The following KLC3 variants were observed in gnomAD, a reference collection of about 807,000 sequenced individuals.
KLC3 encodes kinesin light chain 3.
KLC3 carries 72 observed loss-of-function variants against 62.9 expected under a neutral mutation model. The observed-to-expected ratio is 1.15, with a 90% CI of 0.95 to 1.39. The LOEUF is 1.39. KLC3 is among the 40% of genes most tolerant of loss of function. The pLI is 0.00. For missense variants in KLC3, 848 were observed against 691.6 expected (o/e 1.23, Z -2.54); for synonymous variants, 377 against 300.5 (o/e 1.25, Z -2.63).
At chr19:45,347,852 T>A in intron 4 of KLC3, 89 bp from the exon 5 acceptor site, 1 of 1,102,228 alleles carries the variant, frequency 9.1e-7, no homozygotes, top group Non-Finnish European at 1.3e-6. Context: ...AGTTAGGCAG[T>A]CCGGCAGTTC....
intron 9 of KLC3, 36 bp from the exon 10 acceptor site, chr19:45,350,478 T>C (rs943265735): frequency 3.1e-6 from 5 of 1,613,470 alleles, no homozygotes; most frequent in Non-Finnish European, 3.4e-6. Flanking sequence ...GGCTTCTCTA[T>C]GTCCCCATCT....
At chr19:45,343,492 T>C (rs1205382931) in intron 1 of KLC3, among the ~76,000 whole-genome samples, 1 of 152,020 alleles carries the variant, frequency 6.6e-6, no homozygotes, top group Non-Finnish European at 1.5e-5. Flanking sequence ...CATACCACCA[T>C]GCCTGGCTAA....
At chr19:45,345,479 G>A in intron 1 of KLC3, 55 bp from the exon 2 acceptor site, 1 of 1,549,770 alleles carries the variant, frequency 6.5e-7, no homozygotes, top group Non-Finnish European at 8.7e-7. Context: ...GAGGCTGGGG[G>A]CCAACTGACT....
intron 1 of KLC3, among the ~76,000 whole-genome samples, chr19:45,343,062 T>C (rs984970925): frequency 4.6e-5 from 7 of 152,042 alleles, no homozygotes; most frequent in Non-Finnish European, 1.5e-5. Flanking sequence ...GCATGGCGTG[T>C]AGGTGTGGGA....
chr19:45,350,001 C>T (rs990482658), intron 8 of KLC3: 1 of 440,444 alleles, frequency 2.3e-6, no homozygotes, highest in East Asian at 4.0e-5. Context: ...CAAAGTACAG[C>T]AGACAGGCTC....
chr19:45,342,002 G>A (rs766631263), intron 1 of KLC3, among the ~76,000 whole-genome samples: 6 of 152,010 alleles, frequency 3.9e-5, no homozygotes, highest in Non-Finnish European at 7.4e-5. Flanking sequence ...CTGTGCGGTT[G>A]TGCACCCGGG....
Position 45,347,398 on chromosome 19 carries a change from C to G in KLC3, c.490-49C>G, listed in dbSNP as rs571580814. ...TGAGATAGAGCCAGGGCCCCGGTCT[C>G]TGAAACAAGCCCCCACCACCCCGGC... On this transcript the variant is annotated intron_variant, in intron 3 of 12. Coordinates refer to ENST00000391946, the MANE Select transcript of KLC3 (RefSeq NM_177417.3). 1.5e-5 allele frequency: 21 copies of G among 1,442,040 alleles called. No homozygotes were observed. The African/African-American group carries it at 2.4e-4, about 17-fold the overall frequency. The allele number at this position is 1,442,040 out of a possible 1,614,324, so 89.3% of individuals were successfully genotyped here. A position where few individuals can be genotyped will look rare whatever the true frequency, so the allele number is the denominator to read the frequency against.
chr19:45,350,932 C>G, intron 11 of KLC3, 22 bp from the exon 12 acceptor site: 2 of 1,613,022 alleles, frequency 1.2e-6, no homozygotes, highest in African/African-American at 2.7e-5. Context: ...CACTCATTTC[C>G]TCCCTGCTGC....
intron 1 of KLC3, chr19:45,345,038 A>G (rs1344987650): frequency 1.6e-5 from 2 of 127,878 alleles, no homozygotes; most frequent in Non-Finnish European, 3.2e-5. Flanking sequence ...GGTTCCCGAC[A>G]AAAACACCCT....
Position 45,350,419 on chromosome 19 carries a change from C to T in KLC3, c.1222C>T (p.Pro408Ser), listed in dbSNP as rs1225300760. The T allele has an allele frequency of 6.2e-7, 1 of 1,613,842 alleles. No individual in the cohort carries two copies. The highest frequency in any genetic ancestry group is 8.5e-7 in the Non-Finnish European group (1 of 1,179,856). ...AGAAATCCTCCACAAGGAGGACCTA[C>T]CCGCCCCTCTCGGTGAGCCCCTAGC... Reference protein sequence around the residue: ...YKEILHKEDLPAPLGAPNTGT... With the variant: ...YKEILHKEDLSAPLGAPNTGT... Residue 408 changes from proline to serine, a missense_variant, in exon 9 of 13, where the codon CCC (proline) becomes TCC (serine). Physicochemically the swap from Pro to Ser is moderately conservative, Grantham distance 74 (BLOSUM62 -1). Transcript: ENST00000391946.
intron 8 of KLC3, 132 bp downstream of exon 8, chr19:45,349,734 G>A: frequency 2.4e-6 from 2 of 834,668 alleles, no homozygotes; most frequent in African/African-American, 1.7e-5. Flanking sequence ...TGGAGCAAGT[G>A]TCAGACACAG....
chr19:45,349,406 G>C (rs774867602), intron 7 of KLC3, 23 bp from the exon 8 acceptor site: 5 of 1,586,740 alleles, frequency 3.2e-6, no homozygotes, highest in Non-Finnish European at 3.4e-6. Flanking sequence ...TGATCCCTCT[G>C]ACTTGTGACC....
intron 1 of KLC3, chr19:45,345,321 C>A: frequency 1.5e-6 from 1 of 651,350 alleles, no homozygotes. Flanking sequence ...CGAAGGTAGA[C>A]AAGACTGTTC....
Position 45,346,700 on chromosome 19 carries a change from C to T in KLC3, c.415C>T (p.Gln139Ter), listed in dbSNP as rs868176102. The change falls in exon 3 of 13, where the codon CAG becomes TAG. Residue 139 changes from glutamine to a stop codon, truncating the protein, a stop_gained. Transcript: ENST00000391946. LOFTEE classifies it high-confidence loss of function. Reference sequence around the variant, plus strand: ...TCGGGCCAGCGAGGAGTCCGTGGCCCAGCTGGAGGAGGAGAAGCGCCACCT... The same window carrying T: ...TCGGGCCAGCGAGGAGTCCGTGGCCTAGCTGGAGGAGGAGAAGCGCCACCT... ...RLRASEESVA[Q>*]LEEEKRHLEF... 2 of 1,573,918 alleles carry T rather than the reference C, an allele frequency of 1.3e-6. No individual in the cohort carries two copies. Among genetic ancestry groups the T allele is most frequent in the South Asian group, 1.2e-5 (1 of 85,660 alleles).
chr19:45,347,258 C>T (rs929354086), intron 3 of KLC3, 189 bp from the exon 4 acceptor site: 15 of 556,160 alleles, frequency 2.7e-5, no homozygotes, highest in East Asian at 2.2e-4. Context: ...AGGAGAATGG[C>T]TTGAACCCAG....
chr19:45,341,599 CAG>C (rs1971398041), intron 1 of KLC3, among the ~76,000 whole-genome samples: 1 of 101,688 alleles, frequency 9.8e-6, no homozygotes, highest in Admixed American at 9.2e-5. Flanking sequence ...GTGTGGTGGA[CAG>C]TGTGGCACTG....
chr19:45,349,009 C>A (rs1032751095), intron 7 of KLC3, 88 bp downstream of exon 7: 4 of 1,165,234 alleles, frequency 3.4e-6, no homozygotes, highest in Non-Finnish European at 4.9e-6. Context: ...GTGACCCTGA[C>A]CCTCGGGCCC....
At chr19:45,345,832 G>A in intron 2 of KLC3, 33 bp downstream of exon 2, 1 of 1,527,680 alleles carries the variant, frequency 6.5e-7, no homozygotes, top group Non-Finnish European at 8.8e-7. Flanking sequence ...GCTGGGGGAA[G>A]GTCAGCTGAG....
Position 45,345,743 on chromosome 19 carries a change from C to A in KLC3, c.202C>A (p.Gln68Lys). ...AAGLEMLEEKQQVVSHSLEAI... is the reference protein window; with the variant it reads ...AAGLEMLEEKKQVVSHSLEAI... ...CGGCTTGGAGATGCTGGAGGAAAAG[C>A]AGCAGGTGGTGAGCCACTCGCTGGA... Residue 68 changes from glutamine to lysine, a missense_variant, in exon 2 of 13, where the codon CAG becomes AAG. Physicochemically the swap from Gln to Lys is moderately conservative, Grantham distance 53 (BLOSUM62 1). Coordinates refer to ENST00000391946, the MANE Select transcript of KLC3 (RefSeq NM_177417.3). 6.4e-7 allele frequency: 1 copy of A among 1,557,620 alleles called. No homozygotes were observed. The highest frequency in any genetic ancestry group is 2.4e-5 in the East Asian group (1 of 41,698).
Sources: gnomAD v4.1 joint callset for allele counts (sites outside exome capture counted in the v4.1 genomes callset) on GRCh38, gnomAD v4.1.1 for gene constraint, MANE v1.5 for transcripts, NCBI Gene and HGNC (gene_info 2026-07-23, HGNC 2026-07-21) for gene names.